The following TFDP2 variants were observed in gnomAD, a reference collection of about 807,000 sequenced individuals.
TFDP2 encodes transcription factor Dp-2 (E2F dimerization partner 2).
TFDP2 carries 17 observed loss-of-function variants against 59.3 expected under a neutral mutation model. That is an observed-to-expected ratio of 0.29 (90% CI 0.20 to 0.43). TFDP2 has a LOEUF of 0.43. Among genes scored for constraint, TFDP2 ranks in the 20% least tolerant of loss-of-function variants. TFDP2 has a pLI of 1.00. For synonymous variants in TFDP2, 180 were observed against 194.7 expected (o/e 0.92, Z 0.63); for missense variants, 391 against 528.8 (o/e 0.74, Z 2.56).
intron 1 of TFDP2, among the ~76,000 whole-genome samples, chr3:142,104,958 G>A (rs543227157): frequency 6.6e-6 from 1 of 152,152 alleles, no homozygotes; most frequent in East Asian, 1.9e-4. Context: ...CTTTGGCTCC[G>A]TCTCAGCTCT....
Position 141,951,405 on chromosome 3 carries a change from A to C in TFDP2, c.*1108T>G, listed in dbSNP as rs940126382. ...CTAGTGTTTCTGTGAAACACTAAATATTGGATTAGTTTGAAATGCAATTGA... is the reference window on the plus strand; with the variant it reads ...CTAGTGTTTCTGTGAAACACTAAATCTTGGATTAGTTTGAAATGCAATTGA... On this transcript the variant is annotated 3_prime_UTR_variant, in exon 13 of 13. Coordinates refer to ENST00000489671, the MANE Select transcript of TFDP2 (RefSeq NM_001178139.2). The C allele has an allele frequency of 6.6e-6, 1 of 152,400 alleles. No individual in the cohort carries two copies. The highest frequency in any genetic ancestry group is 2.4e-5 in the African/African-American group (1 of 41,444). The allele number at this position is 152,400 out of a possible 1,614,324, so 9.4% of individuals were successfully genotyped here. A position where few individuals can be genotyped will look rare whatever the true frequency, so the allele number is the denominator to read the frequency against.
At chr3:142,107,250 G>A (rs185323128) in intron 1 of TFDP2, among the ~76,000 whole-genome samples, 6 of 139,564 alleles carry the variant, frequency 4.3e-5, no homozygotes, top group East Asian at 4.2e-4. Context: ...TTTTTTTTTC[G>A]AGACGGAGTC....
Position 141,989,847 on chromosome 3 carries a change from AT to A in TFDP2, c.356+3690del, listed in dbSNP as rs199703522. Among the ~76,000 whole-genome samples the A allele has an allele frequency of 8.3e-3, 1,261 of 151,546 alleles. 19 individuals are homozygous for A. The highest frequency in any genetic ancestry group is 0.029 in the African/African-American group (1,178 of 41,284). ...TAGTTGGAAAATCTATACCCCTATC[AT>A]TTTTTACAGCACTTTTACAGATTTA... On this transcript the variant is annotated intron_variant, in intron 6 of 12. Coordinates refer to ENST00000489671, the MANE Select transcript of TFDP2 (RefSeq NM_001178139.2).
intron 3 of TFDP2, among the ~76,000 whole-genome samples, chr3:142,052,406 G>A (rs2902144): frequency 0.89 from 134,564 of 150,882 alleles, 60,249 homozygotes; most frequent in African/African-American, 0.97. Context: ...TTAGCCGGGC[G>A]TGGTGGTGGG....
At chr3:142,107,225 T>G (rs1278015307) in intron 1 of TFDP2, among the ~76,000 whole-genome samples, 3 of 151,876 alleles carry the variant, frequency 2.0e-5, no homozygotes, top group Non-Finnish European at 2.9e-5. Context: ...TATTTTCTTT[T>G]TTTTCTTTTC....
intron 2 of TFDP2, among the ~76,000 whole-genome samples, chr3:142,101,356 CAAAAA>C (rs529718660): frequency 1.4e-4 from 12 of 85,982 alleles, no homozygotes; most frequent in African/African-American, 4.1e-4. Context: ...CCTGAGTAAC[CAAAAA>C]AAAAAAAAAA....
At chr3:142,016,975 G>A (rs138273362) in intron 3 of TFDP2, among the ~76,000 whole-genome samples, 102 of 152,238 alleles carry the variant, frequency 6.7e-4, no homozygotes, top group African/African-American at 2.3e-3. Context: ...CCTCTTTGCT[G>A]TTCTTCAACC....
chr3:142,105,448 G>T (rs1210844828), intron 1 of TFDP2, among the ~76,000 whole-genome samples: 1 of 150,364 alleles, frequency 6.7e-6, no homozygotes, highest in Non-Finnish European at 1.5e-5. Context: ...CAACTAGTAG[G>T]TGTCCTTTTT....
intron 4 of TFDP2, among the ~76,000 whole-genome samples, chr3:142,002,033 T>C (rs957696429): frequency 6.6e-6 from 1 of 150,776 alleles, no homozygotes; most frequent in African/African-American, 2.4e-5. Context: ...CTCGCTCTGT[T>C]GCCCAGGCTG....
At chr3:141,968,606 T>C (rs12330562) in intron 9 of TFDP2, among the ~76,000 whole-genome samples, 3,211 of 98,086 alleles carry the variant, frequency 0.033, 96 homozygotes, top group African/African-American at 0.081. Flanking sequence ...ATATATAACA[T>C]ATATATCTCA....
chr3:142,036,792 A>G (rs1946712769), intron 3 of TFDP2, among the ~76,000 whole-genome samples: 1 of 152,196 alleles, frequency 6.6e-6, no homozygotes, highest in African/African-American at 2.4e-5. Context: ...GTAACATTCC[A>G]TTTATAATTA....
intron 3 of TFDP2, among the ~76,000 whole-genome samples, chr3:142,038,981 G>A (rs1472232629): frequency 2.0e-5 from 3 of 152,144 alleles, no homozygotes; most frequent in African/African-American, 7.2e-5. Flanking sequence ...ACATGGCTAA[G>A]TCAAATAATT....
chr3:142,115,511 G>A (rs1316972444), intron 1 of TFDP2, among the ~76,000 whole-genome samples: 6 of 152,074 alleles, frequency 3.9e-5, no homozygotes, highest in African/African-American at 1.4e-4. Flanking sequence ...GTAGAGACGG[G>A]GTTTCACCGT....
At chr3:142,017,264 T>C (rs976647029) in intron 3 of TFDP2, among the ~76,000 whole-genome samples, 5 of 152,204 alleles carry the variant, frequency 3.3e-5, no homozygotes, top group Non-Finnish European at 4.4e-5. Context: ...TCTACAACAA[T>C]AGGGGCTTTG....
chr3:142,025,707 G>GA (rs1397487909), intron 3 of TFDP2, among the ~76,000 whole-genome samples: 5 of 152,132 alleles, frequency 3.3e-5, no homozygotes, highest in East Asian at 3.9e-4. Context: ...ATTTTAGAGA[G>GA]AAAAAACCTC....
chr3:142,109,964 G>A (rs113904557), intron 1 of TFDP2, among the ~76,000 whole-genome samples: 6,196 of 152,036 alleles, frequency 0.041, 140 homozygotes, highest in South Asian at 0.06. Flanking sequence ...TGTAACCTCC[G>A]CCTCCCGAGT....
intron 1 of TFDP2, among the ~76,000 whole-genome samples, chr3:142,126,785 G>A (rs1384173449): frequency 1.2e-4 from 18 of 150,650 alleles, no homozygotes; most frequent in Admixed American, 1.3e-4. Context: ...CGTTTCTACC[G>A]AAAATACAAA....
chr3:142,132,441 A>T (rs1446225134), intron 1 of TFDP2, among the ~76,000 whole-genome samples: 1 of 149,944 alleles, frequency 6.7e-6, no homozygotes, highest in Non-Finnish European at 1.5e-5. Context: ...CATCTTTTAA[A>T]AAACAATGTT....
intron 6 of TFDP2, among the ~76,000 whole-genome samples, chr3:141,981,372 A>G (rs1941471649): frequency 6.6e-6 from 1 of 152,222 alleles, no homozygotes; most frequent in Admixed American, 6.5e-5. Context: ...GAAATCGCCT[A>G]ATGAAGCCTT....
Sources: allele counts gnomAD v4.1 joint callset (sites outside exome capture counted in the v4.1 genomes callset), GRCh38; gene constraint gnomAD v4.1.1; transcripts MANE v1.5; gene names NCBI Gene and HGNC (gene_info 2026-07-23, HGNC 2026-07-21).